FKBP15: variants seen among roughly 807,000 people sequenced by gnomAD.
FKBP15 encodes FK506-binding protein 15.
A neutral mutation model predicts 158.1 loss-of-function variants in FKBP15; 106 were observed. The observed-to-expected ratio is 0.67, with a 90% CI of 0.57 to 0.79. FKBP15 has a LOEUF of 0.79. Among genes scored for constraint, FKBP15 ranks in the 30% least tolerant of loss-of-function variants. The pLI is 0.00. For missense variants in FKBP15, 1,287 were observed against 1,479.1 expected (o/e 0.87, Z 2.13); for synonymous variants, 547 against 548.6 (o/e 1.00, Z 0.04).
At chr9:113,166,496 TG>T (rs1830101743) in intron 27 of FKBP15, among the ~76,000 whole-genome samples, 1 of 152,188 alleles carries the variant, frequency 6.6e-6, no homozygotes, top group South Asian at 2.1e-4. Flanking sequence ...GAGGAAACAC[TG>T]GAGCAGTAGG....
Position 113,164,449 on chromosome 9 carries a change from C to A in FKBP15, c.*1629G>T, listed in dbSNP as rs529815303. Reference sequence around the variant, plus strand: ...CGGACTTTAAGCACCTGTGTTGGCACAATTACTCAGCATCTTCTCTCCCTG... The same window carrying A: ...CGGACTTTAAGCACCTGTGTTGGCAAAATTACTCAGCATCTTCTCTCCCTG... On this transcript the variant is annotated 3_prime_UTR_variant, in exon 28 of 28. Transcript: ENST00000238256. 2 of 152,362 alleles carry A rather than the reference C, an allele frequency of 1.3e-5. No individual in the cohort carries two copies. The highest frequency in any genetic ancestry group is 4.8e-5 in the African/African-American group (2 of 41,578). 9.4% of individuals were successfully genotyped at this position (152,362 alleles called of 1,614,324 possible).
rs779053087 is a variant in FKBP15, at chr9:113,166,131, T to TTGGGG, written c.3602_3606dup (p.Thr1203ProfsTer35). On this transcript the variant is annotated frameshift_variant, in exon 28 of 28. Coordinates refer to ENST00000238256, the MANE Select transcript of FKBP15 (RefSeq NM_015258.2). LOFTEE classifies it high-confidence loss of function. ...TCATCATCATCTCCAAAAAGGGGCG[T>TTGGGG]TGGGGGCGGGCGTCCCTTCATGCTC... The TTGGGG allele has an allele frequency of 6.2e-7, 1 of 1,613,464 alleles. No homozygotes were observed. Among genetic ancestry groups the TTGGGG allele is most frequent in the Non-Finnish European group, 8.5e-7 (1 of 1,179,680 alleles).
chr9:113,189,008 C>G (rs544330432), intron 12 of FKBP15, among the ~76,000 whole-genome samples: 42 of 152,240 alleles, frequency 2.8e-4, no homozygotes, highest in African/African-American at 9.4e-4. Flanking sequence ...GATGTTTTTC[C>G]AACATTCTTT....
intron 12 of FKBP15, 200 bp from the exon 13 acceptor site, chr9:113,188,691 C>A: frequency 1.9e-6 from 1 of 540,414 alleles, no homozygotes; most frequent in Non-Finnish European, 3.3e-6. Flanking sequence ...AAGAGTCCTT[C>A]TCCCTATAAT....
At position 113,161,714 on chromosome 9, in the gene FKBP15, A is replaced by G; in HGVS notation, c.*4364T>C. 2 of 1,612,204 alleles carry G rather than the reference A, an allele frequency of 1.2e-6. No homozygotes were observed. Among genetic ancestry groups the G allele is most frequent in the Non-Finnish European group, 1.7e-6 (2 of 1,178,522 alleles). On this transcript the variant is annotated 3_prime_UTR_variant, in exon 28 of 28. Transcript: ENST00000238256. ...CCCACCACAGGTACAGGCAGTGGGT[A>G]TGGGAAAGGGGCAGAAGCCTCACAT...
rs1830889279 is a variant in FKBP15, at chr9:113,206,493, G to A, written c.324+16C>T. 6.2e-7 allele frequency: 1 copy of A among 1,611,078 alleles called. No individual in the cohort carries two copies. Among genetic ancestry groups the A allele is most frequent in the South Asian group, 1.1e-5 (1 of 91,008 alleles). On this transcript the variant is annotated intron_variant, in intron 4 of 27. Transcript: ENST00000238256. ...TGGGACATCTGAATATACATGAGAT[G>A]TGGGAGCACTCTCACCTCTCTGGCT...
rs1467667303 is a variant in FKBP15 at position 113,169,917 on chromosome 9, T to A, written c.2792A>T (p.Gln931Leu). ...GCTCTCTTCCTTCTCTTGCTCCTGT[T>A]GGTTTAACAGCTGAAGAGTCACCAT... ...IKMVTLQLLN[Q>L]QEQEKEESSS... The change falls in exon 26 of 28, where the codon CAA becomes CTA. Residue 931 changes from glutamine (Q) to leucine (L), a missense_variant. Coordinates refer to ENST00000238256, the MANE Select transcript of FKBP15 (RefSeq NM_015258.2). 6.5e-7 allele frequency: 1 copy of A among 1,546,728 alleles called. No individual in the cohort carries two copies. Among genetic ancestry groups the A allele is most frequent in the African/African-American group, 1.4e-5 (1 of 73,008 alleles).
At position 113,162,168 on chromosome 9, in the gene FKBP15, G is replaced by T; in HGVS notation, c.*3910C>A. The T allele has an allele frequency of 3.2e-6, 1 of 311,938 alleles. No homozygotes were observed. Among genetic ancestry groups the T allele is most frequent in the South Asian group, 2.7e-5 (1 of 36,534 alleles). 19.3% of individuals were successfully genotyped at this position (311,938 alleles called of 1,614,324 possible). ...GGGTCCCTGTTCTGCCCTCTGTCCA[G>T]CCCCAGCCTCACCTGTGCTTAATAA... On this transcript the variant is annotated 3_prime_UTR_variant, in exon 28 of 28. Transcript: ENST00000238256.
intron 11 of FKBP15, 49 bp from the exon 12 acceptor site, chr9:113,190,627 C>A: frequency 7.2e-7 from 1 of 1,391,442 alleles, no homozygotes; most frequent in Non-Finnish European, 1.0e-6. Context: ...AAGCTCATCA[C>A]CTTCAGGCAG....
Position 113,190,554 on chromosome 9 carries a change from A to G in FKBP15, c.1090T>C (p.Leu364=). The G allele has an allele frequency of 6.2e-7, 1 of 1,611,316 alleles. No homozygotes were observed. Among genetic ancestry groups the G allele is most frequent in the African/African-American group, 1.3e-5 (1 of 75,032 alleles). Residue 364 remains leucine (L), a synonymous_variant, in exon 12 of 28, where the codon TTG becomes CTG. Coordinates refer to ENST00000238256, the MANE Select transcript of FKBP15 (RefSeq NM_015258.2). ...CCCATTTTAGCCATCCGAGAGATCAACTTGGCTTTGACTGCATCGGGACTC... is the reference window on the plus strand; with the variant it reads ...CCCATTTTAGCCATCCGAGAGATCAGCTTGGCTTTGACTGCATCGGGACTC... ...NTSPDAVKAK[L]ISRMAKMGQP... is the part of the protein sequence containing the mutation.
In FKBP15 at chr9:113,180,665, A is replaced by G. The variant is rs1332077389; in HGVS notation, c.1915-1864T>C. Among the ~76,000 whole-genome samples the G allele has an allele frequency of 2.0e-5, 3 of 152,220 alleles. No individual in the cohort carries two copies. In the East Asian group the frequency reaches 5.8e-4, roughly 29 times the overall value. ...CTCAAGAGAGATAATAATTTGACAC[A>G]GGAAAAGGAATATAGCTGAATGGAA... On this transcript the variant is annotated intron_variant, in intron 19 of 27. Transcript: ENST00000238256.
rs939530074 is a variant in FKBP15, at chr9:113,186,333, G to A, written c.1414C>T (p.Pro472Ser). Residue 472 changes from proline (P) to serine (S), a missense_variant, in exon 15 of 28, where the codon CCC (proline) becomes TCC (serine). Transcript: ENST00000238256. ...PYAGMQAYAYPQASAVTSQLQ... is the reference protein window; with the variant it reads ...PYAGMQAYAYSQASAVTSQLQ... ...TGGGAGGTGACGGCAGATGCCTGGG[G>A]ATAAGCGTAGGCTTGCATACCTGCA... 1 of 1,567,180 alleles carries A rather than the reference G, an allele frequency of 6.4e-7. No homozygotes were observed.
intron 24 of FKBP15, among the ~76,000 whole-genome samples, chr9:113,171,336 G>C (rs1190672918): frequency 6.6e-6 from 1 of 152,208 alleles, no homozygotes; most frequent in Non-Finnish European, 1.5e-5. Flanking sequence ...TGCGGCAGGA[G>C]AATCGCTTGA....
At position 113,194,154 on chromosome 9, in the gene FKBP15, C is replaced by A. The variant is rs1335019612; in HGVS notation, c.880G>T (p.Asp294Tyr). The change falls in exon 10 of 28, where the codon GAT (aspartate) becomes TAT (tyrosine). Residue 294 changes from aspartate (D) to tyrosine (Y), a missense_variant. Asp to Tyr is a radical substitution (Grantham distance 160). Transcript: ENST00000238256. ...VEVRRVKFAR[D>Y]SGSDGHSVSS... ...ACACTGTGACCATCAGAGCCAGAAT[C>A]TCTGGCAAACTTCACCTAAGGAAAC... 1 of 1,610,212 alleles carries A rather than the reference C, an allele frequency of 6.2e-7. No individual in the cohort carries two copies. Among genetic ancestry groups the A allele is most frequent in the Non-Finnish European group, 8.5e-7 (1 of 1,177,890 alleles).
chr9:113,206,679 C>A, intron 3 of FKBP15, 101 bp from the exon 4 acceptor site: 1 of 598,426 alleles, frequency 1.7e-6, no homozygotes, highest in Non-Finnish European at 2.7e-6. Context: ...AGTCATTCAG[C>A]CTCTAGGCAG....
chr9:113,168,641 G>T, intron 26 of FKBP15, 85 bp from the exon 27 acceptor site: 1 of 1,191,890 alleles, frequency 8.4e-7, no homozygotes, highest in Non-Finnish European at 1.2e-6. Flanking sequence ...ACCGGCCCTT[G>T]GGTAAGAATT....
intron 9 of FKBP15, among the ~76,000 whole-genome samples, chr9:113,196,613 C>T (rs1587966484): frequency 6.6e-6 from 1 of 151,952 alleles, no homozygotes; most frequent in Non-Finnish European, 1.5e-5. Context: ...TCGATCTCCT[C>T]ACCTCGTGAT....
intron 20 of FKBP15, among the ~76,000 whole-genome samples, chr9:113,178,125 C>T (rs1023898433): frequency 1.4e-4 from 21 of 152,068 alleles, no homozygotes; most frequent in Admixed American, 8.5e-4. Flanking sequence ...AGAAGCAAGA[C>T]AAGAACTACA....
chr9:113,210,620 TGATTG>T (rs1316853216), intron 2 of FKBP15, among the ~76,000 whole-genome samples: 3 of 152,132 alleles, frequency 2.0e-5, no homozygotes, highest in East Asian at 1.9e-4. Flanking sequence ...AGTGTCAACT[TGATTG>T]GATTGAAGTA....
Sources: gnomAD v4.1 joint callset for allele counts (sites outside exome capture counted in the v4.1 genomes callset) on GRCh38, gnomAD v4.1.1 for gene constraint, MANE v1.5 for transcripts, NCBI Gene and HGNC (gene_info 2026-07-23, HGNC 2026-07-21) for gene names.